Variants in GSR observed in about 807,000 individuals in gnomAD.
GSR encodes glutathione-disulfide reductase, also known as glutathione reductase, mitochondrial.
In GSR, 48 loss-of-function variants were observed where a neutral mutation model predicts 56.5. The observed-to-expected ratio is 0.85, with a 90% CI of 0.67 to 1.08. The LOEUF (loss-of-function observed/expected upper bound fraction) is 1.08. GSR is among the 50% of genes least tolerant of loss of function. GSR has a pLI of 0.00. For synonymous variants in GSR, 264 were observed against 270.8 expected, an observed-to-expected ratio of 0.97 and a Z score of 0.25; for missense variants, 694 against 703.3, an observed-to-expected ratio of 0.99 and a Z score of 0.15.
intron 1 of GSR, among the ~76,000 whole-genome samples, chr8:30,720,926 G>T (rs1384123145): frequency 6.6e-6 from 1 of 151,936 alleles, no homozygotes; most frequent in African/African-American, 2.4e-5. Context: ...GAGTTTGAGA[G>T]GAGCCTGGAC....
intron 1 of GSR, among the ~76,000 whole-genome samples, chr8:30,719,745 T>A (rs890244412): frequency 1.3e-5 from 2 of 152,188 alleles, no homozygotes; most frequent in African/African-American, 4.8e-5. Context: ...CCGCCTGTTA[T>A]CTGGTGATAA....
chr8:30,691,017 A>T (rs1803359645), intron 8 of GSR, among the ~76,000 whole-genome samples: 1 of 152,090 alleles, frequency 6.6e-6, no homozygotes, highest in African/African-American at 2.4e-5. Context: ...ATGGAACTGC[A>T]CTACAGCCTG....
intron 10 of GSR, among the ~76,000 whole-genome samples, chr8:30,682,280 T>C (rs1802987720): frequency 6.6e-6 from 1 of 152,152 alleles, no homozygotes; most frequent in East Asian, 1.9e-4. Flanking sequence ...TACATTCTAT[T>C]ACAGGTTGAG....
At chr8:30,708,875 CGT>C (rs1466888299) in intron 3 of GSR, among the ~76,000 whole-genome samples, 1 of 149,344 alleles carries the variant, frequency 6.7e-6, no homozygotes. Flanking sequence ...AGGAGAATGG[CGT>C]GAACCCGGTA....
At chr8:30,720,671 G>GGA (rs5890532) in intron 1 of GSR, among the ~76,000 whole-genome samples, 1 of 148,612 alleles carries the variant, frequency 6.7e-6, no homozygotes, top group Non-Finnish European at 1.5e-5. Context: ...GAGAAAAAGA[G>GGA]AAAAAAAAAA....
Position 30,680,889 on chromosome 8 carries a change from T to G in GSR, c.1419+15A>C. The G allele has an allele frequency of 1.9e-6, 3 of 1,612,544 alleles. No individual in the cohort carries two copies. Among genetic ancestry groups the G allele is most frequent in the Non-Finnish European group, 2.5e-6 (3 of 1,179,470 alleles). On this transcript the variant is annotated intron_variant, in intron 12 of 12. Coordinates refer to ENST00000221130, the MANE Select transcript of GSR (RefSeq NM_000637.5). Reference sequence around the variant, plus strand: ...TTTTGCAAGGCACTATTTAGTTTGCTGGATTTTTCCTTACCTTTTCTTCCT... The same window carrying G: ...TTTTGCAAGGCACTATTTAGTTTGCGGGATTTTTCCTTACCTTTTCTTCCT...
intron 9 of GSR, 136 bp from the exon 10 acceptor site, chr8:30,684,335 C>T (rs1036950907): frequency 3.7e-5 from 27 of 731,294 alleles, no homozygotes; most frequent in Non-Finnish European, 2.5e-6. Context: ...GACTCAGCTG[C>T]AACACGAAAG....
intron 10 of GSR, among the ~76,000 whole-genome samples, chr8:30,683,456 G>A (rs574483497): frequency 2.6e-5 from 4 of 152,184 alleles, no homozygotes; most frequent in African/African-American, 9.6e-5. Flanking sequence ...GTGGGATGCC[G>A]GAGAGAAGGA....
At chr8:30,727,379 G>A in intron 1 of GSR, 151 bp downstream of exon 1, 1 of 773,886 alleles carries the variant, frequency 1.3e-6, no homozygotes, top group Admixed American at 2.6e-5. Flanking sequence ...CACCTGCTGG[G>A]TTCCTGGCTT....
intron 8 of GSR, 64 bp downstream of exon 8, chr8:30,692,905 G>C (rs893684459): frequency 2.0e-6 from 2 of 995,282 alleles, no homozygotes; most frequent in African/African-American, 3.2e-5. Flanking sequence ...CTAACTGGGC[G>C]AAGCCACAAG....
intron 1 of GSR, among the ~76,000 whole-genome samples, chr8:30,715,553 C>T (rs1804303838): frequency 6.6e-6 from 1 of 152,140 alleles, no homozygotes; most frequent in Non-Finnish European, 1.5e-5. Flanking sequence ...CCTGCCTTTT[C>T]CAGTTATTTG....
At chr8:30,716,376 C>T (rs1036398684) in intron 1 of GSR, among the ~76,000 whole-genome samples, 6 of 152,222 alleles carry the variant, frequency 3.9e-5, no homozygotes, top group Admixed American at 3.9e-4. Flanking sequence ...TGAAAGGAAG[C>T]CTATGACCCT....
At chr8:30,714,208 T>C (rs1804250517) in intron 1 of GSR, among the ~76,000 whole-genome samples, 2 of 130,358 alleles carry the variant, frequency 1.5e-5, no homozygotes, top group Non-Finnish European at 3.3e-5. Context: ...TATGCTTTTT[T>C]TTTTTTTTTT....
At position 30,727,762 on chromosome 8, in the gene GSR, C is replaced by A; in HGVS notation, c.74G>T (p.Gly25Val). Residue 25 changes from glycine (G) to valine (V), a missense_variant, in exon 1 of 13, where the codon GGC (glycine) becomes GTC (valine). Gly to Val is a moderately radical substitution (Grantham distance 109). Transcript: ENST00000221130. ...SWRRAARAFRGFLLLLPEPAA... is the reference protein window; with the variant it reads ...SWRRAARAFRVFLLLLPEPAA... Reference sequence around the variant, plus strand: ...GGGCTCGGGCAGAAGCAGCAGGAAGCCTCGGAAGGCGCGCGCCGCCCGCCG... The same window carrying A: ...GGGCTCGGGCAGAAGCAGCAGGAAGACTCGGAAGGCGCGCGCCGCCCGCCG... The A allele has an allele frequency of 7.3e-7, 1 of 1,374,454 alleles. No homozygotes were observed. Among genetic ancestry groups the A allele is most frequent in the South Asian group, 1.7e-5 (1 of 60,594 alleles). The allele number at this position is 1,374,454 out of a possible 1,614,324, so 85.1% of individuals were successfully genotyped here.
intron 1 of GSR, among the ~76,000 whole-genome samples, chr8:30,712,336 G>C (rs1186417326): frequency 6.6e-6 from 1 of 152,164 alleles, no homozygotes; most frequent in Non-Finnish European, 1.5e-5. Context: ...GCCCATTTGA[G>C]CTGCTGTCTA....
chr8:30,714,741 C>T (rs1218030867), intron 1 of GSR, among the ~76,000 whole-genome samples: 1 of 151,938 alleles, frequency 6.6e-6, no homozygotes, highest in African/African-American at 2.4e-5. Flanking sequence ...GTATATTGCC[C>T]AGGCTGGTCT....
chr8:30,688,660 C>T (rs1474534255), intron 9 of GSR, among the ~76,000 whole-genome samples: 1 of 148,060 alleles, frequency 6.8e-6, no homozygotes, highest in East Asian at 2.0e-4. Context: ...CATGCTGGGA[C>T]ATGCCTATAG....
chr8:30,692,866 G>A lies in GSR; in HGVS notation c.882+103C>T, dbSNP rs190498407. ...ACCCTAGAGGTGGAATATATGGACC[G>A]GGGTAGACATAGTGTTTGTGTTTTT... On this transcript the variant is annotated intron_variant, in intron 8 of 12. Transcript: ENST00000221130. The A allele has an allele frequency of 2.0e-3, 1,553 of 775,544 alleles. 17 individuals carry two copies. The Admixed American group carries it at 0.026, about 13-fold the overall frequency. The allele number at this position is 775,544 out of a possible 1,614,324, so 48.0% of individuals were successfully genotyped here.
intron 4 of GSR, among the ~76,000 whole-genome samples, chr8:30,703,441 G>A (rs966031182): frequency 6.6e-6 from 1 of 152,010 alleles, no homozygotes; most frequent in African/African-American, 2.4e-5. Flanking sequence ...TTAGTTGCCG[G>A]AAGTATACAG....
Sources: allele counts gnomAD v4.1 joint callset (sites outside exome capture counted in the v4.1 genomes callset), GRCh38; gene constraint gnomAD v4.1.1; transcripts MANE v1.5; gene names NCBI Gene and HGNC (gene_info 2026-07-23, HGNC 2026-07-21).